PXN: variants seen among roughly 807,000 people sequenced by gnomAD.
PXN encodes the protein paxillin, also known as testicular tissue protein Li 134.
A neutral mutation model predicts 103.6 loss-of-function variants in PXN; 61 were observed. The ratio of observed to expected loss-of-function variants is 0.59; its 90% CI spans 0.48 to 0.73. The LOEUF (loss-of-function observed/expected upper bound fraction) is 0.73. Among genes scored for constraint, PXN ranks in the 30% least tolerant of loss-of-function variants. The probability of loss-of-function intolerance (pLI) is 0.00; values close to 1 mark genes in which losing one functional copy is unlikely to be tolerated. For missense variants in PXN, 1,274 were observed against 1,460.3 expected, an observed-to-expected ratio of 0.87 and a Z score of 2.08; for synonymous variants, 562 against 607.8, an observed-to-expected ratio of 0.92 and a Z score of 1.11.
At position 120,221,665 on chromosome 12, in the gene PXN, G is replaced by A; in HGVS notation, c.789C>T (p.Thr263=). The stretch of plus-strand genomic sequence containing the variant: ...AAGCCATCAGCTCGTCCAGCTCCCT[G>A]GTGGCAGAGGAGGCCGAGATGCGTG... ...QQTRISASSA[T]RELDELMASL... Residue 263 remains threonine (T), a synonymous_variant, in exon 6 of 15, where the codon ACC becomes ACT. Transcript: ENST00000637617. The surrounding 1 kb of genome is among the most constrained non-coding windows in gnomAD (Gnocchi z 6.6). The A allele has an allele frequency of 6.4e-7, 1 of 1,564,158 alleles. No homozygotes were observed.
At chr12:120,264,896 C>A (rs985549997) in intron 1 of PXN, among the ~76,000 whole-genome samples, 2 of 151,802 alleles carry the variant, frequency 1.3e-5, no homozygotes, top group African/African-American at 4.8e-5. Flanking sequence ...GTCCACAGAG[C>A]GGGGAGGTCA....
intron 1 of PXN, among the ~76,000 whole-genome samples, chr12:120,232,067 C>T (rs1300883472): frequency 1.3e-5 from 2 of 152,208 alleles, no homozygotes; most frequent in African/African-American, 4.8e-5. Context: ...CTTGTTCTGC[C>T]ACTCAGGCTA....
At position 120,216,013 on chromosome 12, in the gene PXN, C is replaced by T. The variant is rs753934574; in HGVS notation, c.2301+260G>A. On this transcript the variant is annotated intron_variant, in intron 9 of 14. Coordinates refer to ENST00000637617, the MANE Select transcript of PXN (RefSeq NM_001385981.1). The surrounding 1 kb of genome is among the most constrained non-coding windows in gnomAD (Gnocchi z 5.1). ...GTGGCTTCTTTCCTCGATGGGAGCCCGGGGCAGTACTGAGGACCAGTCGAG... is the reference window on the plus strand; with the variant it reads ...GTGGCTTCTTTCCTCGATGGGAGCCTGGGGCAGTACTGAGGACCAGTCGAG... 3.0e-6 allele frequency: 4 copies of T among 1,348,736 alleles called. No homozygotes were observed. Among genetic ancestry groups the T allele is most frequent in the Non-Finnish European group, 3.8e-6 (4 of 1,051,718 alleles). 83.5% of individuals were successfully genotyped at this position (1,348,736 alleles called of 1,614,324 possible). A position where few individuals can be genotyped will look rare whatever the true frequency, so the allele number is the denominator to read the frequency against.
At chr12:120,252,486 G>A (rs552136072) in intron 1 of PXN, among the ~76,000 whole-genome samples, 7 of 152,254 alleles carry the variant, frequency 4.6e-5, no homozygotes, top group African/African-American at 1.7e-4. Flanking sequence ...GTCAGGAGAA[G>A]GCTATTTTCT....
chr12:120,253,504 A>G (rs1036749043), intron 1 of PXN, among the ~76,000 whole-genome samples: 3 of 152,074 alleles, frequency 2.0e-5, no homozygotes, highest in Non-Finnish European at 4.4e-5. Context: ...GAAAAAAGAG[A>G]CCGGGCTAGT....
intron 1 of PXN, among the ~76,000 whole-genome samples, chr12:120,241,490 G>A (rs1302647818): frequency 6.6e-6 from 1 of 152,206 alleles, no homozygotes; most frequent in African/African-American, 2.4e-5. Context: ...CTTTACTAGT[G>A]ATGGCTCCAA....
In PXN at chr12:120,265,636, A is replaced by C; in HGVS notation, c.-7T>G. The stretch of plus-strand genomic sequence containing the variant: ...ACTCACCGAGGTCGTCCATGGCCGG[A>C]CCACGGGCGCCGGCTCAGGGTCGCG... On this transcript the variant is annotated 5_prime_UTR_variant, in exon 1 of 15. Transcript: ENST00000637617. The surrounding 1 kb of genome is among the most constrained non-coding windows in gnomAD (Gnocchi z 5.7). 4.1e-6 allele frequency: 6 copies of C among 1,476,646 alleles called. No individual in the cohort carries two copies. The highest frequency in any genetic ancestry group is 5.4e-6 in the Non-Finnish European group (6 of 1,119,048). The allele number at this position is 1,476,646 out of a possible 1,614,324, so 91.5% of individuals were successfully genotyped here.
chr12:120,265,488 G>A lies in PXN; in HGVS notation c.13+129C>T. Reference sequence around the variant, plus strand: ...TCCCAGCCCCGCGGAGCCCCGGCCGGCAGGGACAGGAGCTGAGGCCGGGGC... The same window carrying A: ...TCCCAGCCCCGCGGAGCCCCGGCCGACAGGGACAGGAGCTGAGGCCGGGGC... On this transcript the variant is annotated intron_variant, in intron 1 of 14. Coordinates refer to ENST00000637617, the MANE Select transcript of PXN (RefSeq NM_001385981.1). This position sits in a 1 kb window ranked among gnomAD's most constrained non-coding sequence, Gnocchi z 5.7. 2 of 1,091,368 alleles carry A rather than the reference G, an allele frequency of 1.8e-6. No homozygotes were observed. The highest frequency in any genetic ancestry group is 3.2e-4 in the Middle Eastern group (1 of 3,098). The allele number at this position is 1,091,368 out of a possible 1,614,324, so 67.6% of individuals were successfully genotyped here.
At chr12:120,234,839 C>T (rs947573998) in intron 1 of PXN, among the ~76,000 whole-genome samples, 1 of 152,196 alleles carries the variant, frequency 6.6e-6, no homozygotes, top group Non-Finnish European at 1.5e-5. Context: ...GACACTCAGT[C>T]AATAGATCCA....
intron 1 of PXN, among the ~76,000 whole-genome samples, chr12:120,261,144 T>C (rs1893819137): frequency 6.6e-6 from 1 of 152,190 alleles, no homozygotes; most frequent in Non-Finnish European, 1.5e-5. Context: ...GCATGTAAAG[T>C]GCCCAGCACA....
Position 120,214,262 on chromosome 12 carries a change from C to T in PXN, c.2749-45G>A. The stretch of plus-strand genomic sequence containing the variant: ...GATCAAGGCTGAGCTCTGGGCAGAT[C>T]TCACAACTGAGACGCCCAGCAAGGC... On this transcript the variant is annotated intron_variant, in intron 12 of 14. Transcript: ENST00000637617. This position sits in a 1 kb window ranked among gnomAD's most constrained non-coding sequence, Gnocchi z 5.0. 6.6e-7 allele frequency: 1 copy of T among 1,513,084 alleles called. No individual in the cohort carries two copies. The highest frequency in any genetic ancestry group is 9.0e-7 in the Non-Finnish European group (1 of 1,112,870). The allele number at this position is 1,513,084 out of a possible 1,614,324, so 93.7% of individuals were successfully genotyped here. A position where few individuals can be genotyped will look rare whatever the true frequency, so the allele number is the denominator to read the frequency against.
chr12:120,248,491 T>TTC (rs1208980985), intron 1 of PXN, among the ~76,000 whole-genome samples: 32 of 75,886 alleles, frequency 4.2e-4, no homozygotes, highest in African/African-American at 1.7e-3. Flanking sequence ...ACAGATGACT[T>TTC]TCACACACAC....
intron 1 of PXN, among the ~76,000 whole-genome samples, chr12:120,250,585 AACCAAGCC>A (rs759242577): frequency 9.2e-5 from 14 of 152,074 alleles, no homozygotes; most frequent in Non-Finnish European, 1.5e-4. Context: ...GATTAGTATA[AACCAAGCC>A]ACCAAGCCAC....
At chr12:120,232,656 T>C (rs1888287055) in intron 1 of PXN, among the ~76,000 whole-genome samples, 1 of 152,180 alleles carries the variant, frequency 6.6e-6, no homozygotes, top group Non-Finnish European at 1.5e-5. Context: ...CAAGTTGATC[T>C]GTTGCAGAGC....
At chr12:120,243,808 G>A (rs1246147341) in intron 1 of PXN, among the ~76,000 whole-genome samples, 2 of 152,186 alleles carry the variant, frequency 1.3e-5, no homozygotes, top group Non-Finnish European at 1.5e-5. Context: ...CCAAAGCACT[G>A]TGCACTTCTC....
chr12:120,230,536 C>G (rs992624874), intron 1 of PXN, among the ~76,000 whole-genome samples: 1 of 152,142 alleles, frequency 6.6e-6, no homozygotes, highest in African/African-American at 2.4e-5. Flanking sequence ...ATGTAAACAG[C>G]AGGACCAGCT....
rs1411808809 is a variant in PXN, at chr12:120,222,934, T to C, written c.422A>G (p.Asn141Ser). 7 of 1,613,832 alleles carry C rather than the reference T, an allele frequency of 4.3e-6. No homozygotes were observed. The highest frequency in any genetic ancestry group is 5.9e-6 in the Non-Finnish European group (7 of 1,179,856). Residue 141 changes from asparagine (N) to serine (S), a missense_variant, in exon 4 of 15, where the codon AAC becomes AGC. Around this residue, in one of 2 missense-constraint regions of PXN, gnomAD observed 1,178 missense variants for 1,309.0 expected, o/e 0.90. Coordinates refer to ENST00000637617, the MANE Select transcript of PXN (RefSeq NM_001385981.1). This position sits in a 1 kb window ranked among gnomAD's most constrained non-coding sequence, Gnocchi z 4.7. Reference sequence around the variant, plus strand: ...CAGCAGGCGGTCGAGTTCAGAAAGGTTGCTGCCCAGGGACGTGCTCATTAC... The same window carrying C: ...CAGCAGGCGGTCGAGTTCAGAAAGGCTGCTGCCCAGGGACGTGCTCATTAC... ...PTVMSTSLGS[N>S]LSELDRLLLE...
At chr12:120,251,258 C>T (rs1892123744) in intron 1 of PXN, among the ~76,000 whole-genome samples, 2 of 151,994 alleles carry the variant, frequency 1.3e-5, no homozygotes, top group South Asian at 4.1e-4. Context: ...TGGCTCACGC[C>T]TGTAATCCCA....
intron 1 of PXN, chr12:120,226,502 A>C: frequency 7.9e-7 from 1 of 1,262,516 alleles, no homozygotes. Flanking sequence ...CACCCAACAG[A>C]AGACAAATGG....
Sources: allele counts gnomAD v4.1 joint callset (sites outside exome capture counted in the v4.1 genomes callset), GRCh38; gene constraint gnomAD v4.1.1; regional missense constraint gnomAD v4.1.1; non-coding constraint Gnocchi (gnomAD v3.1); transcripts MANE v1.5; gene names NCBI Gene and HGNC (gene_info 2026-07-23, HGNC 2026-07-21).